The following DPP10 variants were observed in gnomAD, a reference collection of about 807,000 sequenced individuals.
DPP10 encodes the protein inactive dipeptidyl peptidase 10.
DPP10 carries 33 observed loss-of-function variants against 120.9 expected under a neutral mutation model. That is an observed-to-expected ratio of 0.27 (90% CI 0.21 to 0.37). DPP10 has a LOEUF of 0.37. DPP10 is among the 10% of genes least tolerant of loss of function. The probability of loss-of-function intolerance (pLI) is 1.00; values close to 1 mark genes in which losing one functional copy is unlikely to be tolerated. For missense variants in DPP10, 816 were observed against 942.8 expected, an observed-to-expected ratio of 0.87 and a Z score of 1.76; for synonymous variants, 337 against 326.1, an observed-to-expected ratio of 1.03 and a Z score of -0.36.
At chr2:115,820,799 A>ATGAGTG (rs1553517951) in intron 21 of DPP10, among the ~76,000 whole-genome samples, 2 of 105,554 alleles carry the variant, frequency 1.9e-5, no homozygotes, top group Non-Finnish European at 3.8e-5. Context: ...TCCATGGTGT[A>ATGAGTG]TGTGTGTGTG....
At chr2:114,872,103 C>G (rs895844547) in intron 1 of DPP10, among the ~76,000 whole-genome samples, 8 of 152,060 alleles carry the variant, frequency 5.3e-5, no homozygotes, top group Non-Finnish European at 1.0e-4. Context: ...GCAGACTGTT[C>G]TAGTTCATTT....
chr2:115,756,246 A>G (rs999500047), intron 11 of DPP10, among the ~76,000 whole-genome samples: 5 of 152,144 alleles, frequency 3.3e-5, no homozygotes, highest in Admixed American at 6.6e-5. Flanking sequence ...TAAGAGGATT[A>G]AGTTCTAGTG....
chr2:114,524,694 A>G (rs1015393343), intron 1 of DPP10, among the ~76,000 whole-genome samples: 1 of 152,214 alleles, frequency 6.6e-6, no homozygotes, highest in Admixed American at 6.5e-5. Flanking sequence ...GGAAAGCTAT[A>G]GGGATTTTAG....
chr2:115,262,588 T>G (rs1008147229), intron 1 of DPP10, among the ~76,000 whole-genome samples: 1 of 152,088 alleles, frequency 6.6e-6, no homozygotes, highest in African/African-American at 2.4e-5. Context: ...CAAACATGAG[T>G]CTTGGTCAAT....
chr2:114,995,796 A>T (rs1057034595), intron 1 of DPP10, among the ~76,000 whole-genome samples: 2 of 152,192 alleles, frequency 1.3e-5, no homozygotes, highest in Admixed American at 1.3e-4. Context: ...TGCAAGTTCA[A>T]CATAAACTGC....
rs149007922 is a variant in DPP10 at position 114,531,798 on chromosome 2, A to G, written c.60+88960A>G. 2.7e-3 allele frequency among the ~76,000 whole-genome samples: 413 copies of G among 152,060 alleles called. 2 individuals are homozygous for G. The highest frequency in any genetic ancestry group is 9.4e-3 in the African/African-American group (392 of 41,494). ...CTTATTGTTACTTGTACAGATTTTGATATGTATTATTGTAATGATTACTTT... is the reference window on the plus strand; with the variant it reads ...CTTATTGTTACTTGTACAGATTTTGGTATGTATTATTGTAATGATTACTTT... On this transcript the variant is annotated intron_variant, in intron 1 of 25. Coordinates refer to ENST00000410059, the MANE Select transcript of DPP10 (RefSeq NM_020868.6).
chr2:115,819,429 T>C (rs886469162), intron 21 of DPP10, among the ~76,000 whole-genome samples: 6 of 152,180 alleles, frequency 3.9e-5, no homozygotes, highest in African/African-American at 1.4e-4. Flanking sequence ...ACTAGTGCCT[T>C]CTTGCTTTTG....
intron 1 of DPP10, among the ~76,000 whole-genome samples, chr2:114,572,924 G>A (rs182559836): frequency 1.4e-4 from 21 of 152,276 alleles, no homozygotes; most frequent in Non-Finnish European, 2.1e-4. Context: ...AAACACAGGC[G>A]TGGAACCTAT....
intron 1 of DPP10, among the ~76,000 whole-genome samples, chr2:114,641,042 A>C (rs1695668278): frequency 6.6e-6 from 1 of 151,982 alleles, no homozygotes; most frequent in Non-Finnish European, 1.5e-5. Flanking sequence ...GTCATGAAAC[A>C]TATAGCAAGC....
intron 1 of DPP10, among the ~76,000 whole-genome samples, chr2:115,109,704 A>T (rs529883865): frequency 6.6e-6 from 1 of 152,178 alleles, no homozygotes; most frequent in Non-Finnish European, 1.5e-5. Flanking sequence ...GTGGCTCTCA[A>T]TTGGAGGTGA....
chr2:114,859,716 C>G (rs965293743), intron 1 of DPP10, among the ~76,000 whole-genome samples: 1 of 152,182 alleles, frequency 6.6e-6, no homozygotes, highest in Admixed American at 6.5e-5. Context: ...CTCTACCAAT[C>G]CACCTATCTG....
intron 1 of DPP10, among the ~76,000 whole-genome samples, chr2:114,565,833 A>G (rs982586815): frequency 2.6e-5 from 4 of 152,248 alleles, no homozygotes; most frequent in African/African-American, 9.6e-5. Flanking sequence ...GCTATGGGTC[A>G]GGTGCAGTGC....
chr2:114,478,016 TTGA>T (rs987094906), intron 1 of DPP10, among the ~76,000 whole-genome samples: 16 of 151,884 alleles, frequency 1.1e-4, no homozygotes, highest in Non-Finnish European at 1.9e-4. Flanking sequence ...TGTATTTCTA[TTGA>T]TGATAGATTA....
At chr2:115,420,237 T>C (rs2069813935) in intron 3 of DPP10, among the ~76,000 whole-genome samples, 1 of 152,158 alleles carries the variant, frequency 6.6e-6, no homozygotes, top group East Asian at 1.9e-4. Context: ...TACAGTATAG[T>C]ACAGACCTTT....
chr2:115,780,769 A>G, intron 15 of DPP10, 105 bp from the exon 16 acceptor site: 2 of 1,059,242 alleles, frequency 1.9e-6, no homozygotes, highest in Non-Finnish European at 1.3e-6. Flanking sequence ...CTATGCAAGC[A>G]CCGATGTAAC....
intron 1 of DPP10, among the ~76,000 whole-genome samples, chr2:114,881,804 A>T (rs530404164): frequency 6.6e-6 from 1 of 152,242 alleles, no homozygotes; most frequent in Non-Finnish European, 1.5e-5. Context: ...CTAATGTCAC[A>T]GTTGGTACTG....
chr2:115,841,736 G>A (rs1232616595), intron 25 of DPP10, among the ~76,000 whole-genome samples: 2 of 152,110 alleles, frequency 1.3e-5, no homozygotes, highest in African/African-American at 4.8e-5. Context: ...CATTGGAAAG[G>A]GAATTGTCAA....
At chr2:115,779,852 G>A (rs914520044) in intron 15 of DPP10, among the ~76,000 whole-genome samples, 1 of 151,886 alleles carries the variant, frequency 6.6e-6, no homozygotes, top group African/African-American at 2.4e-5. Flanking sequence ...TTTGTGCTTG[G>A]TATATATTGT....
intron 5 of DPP10, among the ~76,000 whole-genome samples, chr2:115,570,705 T>C (rs2081287967): frequency 6.6e-6 from 1 of 152,196 alleles, no homozygotes; most frequent in South Asian, 2.1e-4. Flanking sequence ...AGTTATTTTG[T>C]TAAAAGAACA....
Sources: gnomAD v4.1 joint callset for allele counts (sites outside exome capture counted in the v4.1 genomes callset) on GRCh38, gnomAD v4.1.1 for gene constraint, MANE v1.5 for transcripts, NCBI Gene and HGNC (gene_info 2026-07-23, HGNC 2026-07-21) for gene names.